TAFA4: variants seen among roughly 807,000 people sequenced by gnomAD.
TAFA4 encodes the protein TAFA chemokine like family member 4.
In TAFA4, 20 loss-of-function variants were observed where a neutral mutation model predicts 21.1. That is an observed-to-expected ratio of 0.95 (90% CI 0.67 to 1.38). TAFA4 has a LOEUF of 1.38. Among genes scored for constraint, TAFA4 ranks in the 40% most tolerant of loss-of-function variants. The probability of loss-of-function intolerance (pLI) is 0.00; values close to 1 mark genes in which losing one functional copy is unlikely to be tolerated. For synonymous variants in TAFA4, 71 were observed against 67.4 expected (o/e 1.05, Z -0.26); for missense variants, 211 against 180.9 (o/e 1.17, Z -0.95).
intron 5 of TAFA4, 79 bp downstream of exon 5, chr3:68,738,996 G>C (rs1306537610): frequency 6.3e-7 from 1 of 1,577,388 alleles, no homozygotes; most frequent in Non-Finnish European, 8.6e-7. Flanking sequence ...ATGTGTTCTT[G>C]ATGGCAGAAT....
chr3:68,926,244 A>G (rs2090107053), intron 1 of TAFA4, among the ~76,000 whole-genome samples: 1 of 151,148 alleles, frequency 6.6e-6, no homozygotes, highest in African/African-American at 2.4e-5. Flanking sequence ...AAAAAAAATC[A>G]GGTCTAAATA....
intron 1 of TAFA4, among the ~76,000 whole-genome samples, chr3:68,908,316 A>C (rs2089923956): frequency 6.6e-6 from 1 of 152,224 alleles, no homozygotes; most frequent in Non-Finnish European, 1.5e-5. Flanking sequence ...GTCTGCCTCC[A>C]GAGTCCTTCT....
chr3:68,852,335 A>G (rs1378749284), intron 3 of TAFA4, among the ~76,000 whole-genome samples: 1 of 152,148 alleles, frequency 6.6e-6, no homozygotes, highest in Non-Finnish European at 1.5e-5. Context: ...TGGGGCTTGC[A>G]TTCCCAGAAC....
intron 3 of TAFA4, among the ~76,000 whole-genome samples, chr3:68,807,854 A>G (rs1255588672): frequency 1.3e-5 from 2 of 152,210 alleles, no homozygotes; most frequent in Non-Finnish European, 2.9e-5. Context: ...TGTCATTCAC[A>G]AAGATTTGAC....
At chr3:68,879,957 C>G (rs2089596671) in intron 3 of TAFA4, among the ~76,000 whole-genome samples, 1 of 152,106 alleles carries the variant, frequency 6.6e-6, no homozygotes, top group South Asian at 2.1e-4. Flanking sequence ...TAATTGACAA[C>G]AAGTCCATTG....
At chr3:68,858,438 T>G (rs1264038658) in intron 3 of TAFA4, among the ~76,000 whole-genome samples, 1 of 152,128 alleles carries the variant, frequency 6.6e-6, no homozygotes, top group Non-Finnish European at 1.5e-5. Context: ...TGTTACTTGC[T>G]TTTCCCAATT....
chr3:68,834,308 C>G (rs1481074616), intron 3 of TAFA4, among the ~76,000 whole-genome samples: 1 of 152,200 alleles, frequency 6.6e-6, no homozygotes, highest in Non-Finnish European at 1.5e-5. Context: ...CACTTTCCCA[C>G]ATACCCAAAG....
chr3:68,902,529 GA>G (rs2089854777), intron 1 of TAFA4, among the ~76,000 whole-genome samples: 1 of 152,026 alleles, frequency 6.6e-6, no homozygotes, highest in Non-Finnish European at 1.5e-5. Flanking sequence ...TAGCATGCCT[GA>G]AAAACTTTTG....
At chr3:68,896,094 G>A (rs558761871) in intron 1 of TAFA4, among the ~76,000 whole-genome samples, 2 of 152,282 alleles carry the variant, frequency 1.3e-5, no homozygotes, top group South Asian at 4.2e-4. Flanking sequence ...GAGGTAGCTA[G>A]GGAGGCCAGA....
At chr3:68,813,392 T>C (rs940744245) in intron 3 of TAFA4, among the ~76,000 whole-genome samples, 2 of 151,928 alleles carry the variant, frequency 1.3e-5, no homozygotes, top group Non-Finnish European at 2.9e-5. Context: ...AGCTGGTTTT[T>C]TGAAAAGAAC....
intron 5 of TAFA4, among the ~76,000 whole-genome samples, chr3:68,735,307 A>G (rs1325318639): frequency 5.9e-5 from 9 of 152,112 alleles, no homozygotes; most frequent in Admixed American, 5.9e-4. Flanking sequence ...TCAGTTTCCA[A>G]TGGGGATCCA....
At chr3:68,766,889 T>C (rs1453496727) in intron 3 of TAFA4, among the ~76,000 whole-genome samples, 1 of 152,016 alleles carries the variant, frequency 6.6e-6, no homozygotes, top group East Asian at 1.9e-4. Flanking sequence ...GAAAAACAAA[T>C]AAAACAATTT....
At chr3:68,871,950 G>A (rs892142171) in intron 3 of TAFA4, among the ~76,000 whole-genome samples, 1 of 152,034 alleles carries the variant, frequency 6.6e-6, no homozygotes, top group African/African-American at 2.4e-5. Context: ...TACATCATTG[G>A]GGGAATGTAG....
At chr3:68,923,175 A>G (rs535052631) in intron 1 of TAFA4, among the ~76,000 whole-genome samples, 2 of 152,348 alleles carry the variant, frequency 1.3e-5, no homozygotes, top group Non-Finnish European at 2.9e-5. Context: ...AATTTCAAGT[A>G]TATTTAAATG....
At chr3:68,781,954 T>TA (rs1170786682) in intron 3 of TAFA4, among the ~76,000 whole-genome samples, 8 of 152,178 alleles carry the variant, frequency 5.3e-5, no homozygotes, top group Non-Finnish European at 8.8e-5. Flanking sequence ...AATGAATTCT[T>TA]AGATGTTACA....
chr3:68,765,385 C>A (rs1380287766), intron 3 of TAFA4, among the ~76,000 whole-genome samples: 1 of 151,912 alleles, frequency 6.6e-6, no homozygotes, highest in Non-Finnish European at 1.5e-5. Flanking sequence ...CTATTTTAGC[C>A]CTAAGTAAAA....
At chr3:68,758,216 G>C (rs144035112) in intron 3 of TAFA4, among the ~76,000 whole-genome samples, 1 of 152,132 alleles carries the variant, frequency 6.6e-6, no homozygotes, top group Non-Finnish European at 1.5e-5. Flanking sequence ...TTTTCAATTT[G>C]ATGACAGTGT....
intron 3 of TAFA4, among the ~76,000 whole-genome samples, chr3:68,796,407 G>C (rs901502402): frequency 1.3e-5 from 2 of 152,128 alleles, no homozygotes; most frequent in Admixed American, 1.3e-4. Context: ...AAAAGACACA[G>C]TGCAACTATA....
At chr3:68,911,289 G>C (rs770954916) in intron 1 of TAFA4, among the ~76,000 whole-genome samples, 4 of 152,102 alleles carry the variant, frequency 2.6e-5, no homozygotes, top group Non-Finnish European at 2.9e-5. Context: ...TCATCTTCTC[G>C]TAAGGCAAAG....
Sources: gnomAD v4.1 joint callset for allele counts (sites outside exome capture counted in the v4.1 genomes callset) on GRCh38, gnomAD v4.1.1 for gene constraint, MANE v1.5 for transcripts, NCBI Gene and HGNC (gene_info 2026-07-23, HGNC 2026-07-21) for gene names.